CSF1R: variants seen among roughly 807,000 people sequenced by gnomAD.
The protein encoded by CSF1R is macrophage colony-stimulating factor 1 receptor.
A neutral mutation model predicts 110.0 loss-of-function variants in CSF1R; 40 were observed. The ratio of observed to expected loss-of-function variants is 0.36; its 90% CI spans 0.28 to 0.47. The LOEUF (loss-of-function observed/expected upper bound fraction) is 0.47, where lower values mean the gene tolerates loss of function less well. Ranked by LOEUF, CSF1R falls within the 20% of genes least tolerant of loss-of-function variation. The pLI, the probability that CSF1R is intolerant of heterozygous loss-of-function variation, is 0.99. For synonymous variants in CSF1R, 523 were observed against 503.4 expected (o/e 1.04, Z -0.52); for missense variants, 1,052 against 1,253.0 (o/e 0.84, Z 2.42).
rs141577445 is a variant in CSF1R at position 150,068,326 on chromosome 5, G to A, written c.1515C>T (p.Ala505=). 349 of 1,612,058 alleles carry A rather than the reference G, an allele frequency of 2.2e-4. No homozygotes were observed. The highest frequency in any genetic ancestry group is 4.2e-4 in the South Asian group (38 of 90,990). The change falls in exon 10 of 21, where the codon GCC becomes GCT. Residue 505 remains alanine, a synonymous_variant. Coordinates refer to ENST00000675795, the MANE Select transcript of CSF1R (RefSeq NM_001288705.3). ...SWAFIPISAG[A]HTHPPDEFLF... ...GGAACTCATCCGGGGGATGCGTGTGGGCTCCTGGAAGGCATGAAGCAAAGC... is the reference window on the plus strand; with the variant it reads ...GGAACTCATCCGGGGGATGCGTGTGAGCTCCTGGAAGGCATGAAGCAAAGC...
At chr5:150,081,051 G>C (rs748735413) in intron 1 of CSF1R, 27 bp from the exon 2 acceptor site, 1 of 1,612,906 alleles carries the variant, frequency 6.2e-7, no homozygotes, top group Non-Finnish European at 8.5e-7. Context: ...ACAGCAGACA[G>C]AAGTGAGGTC....
At chr5:150,072,635 A>AC (rs889801220) in intron 6 of CSF1R, among the ~76,000 whole-genome samples, 4 of 152,172 alleles carry the variant, frequency 2.6e-5, no homozygotes, top group South Asian at 4.1e-4. Flanking sequence ...AGAAAGCAAG[A>AC]CCCCAAGAAC....
intron 10 of CSF1R, 24 bp downstream of exon 10, chr5:150,068,191 C>CA (rs1010227878): frequency 1.9e-6 from 3 of 1,586,830 alleles, no homozygotes; most frequent in Admixed American, 3.4e-5. Flanking sequence ...AGGCACCTGG[C>CA]AGCCCCACTC....
In CSF1R at chr5:150,061,608, C is replaced by G. The variant is rs200522818; in HGVS notation, c.1754-13G>C. On this transcript the variant is annotated splice_polypyrimidine_tract_variant and intron_variant, in intron 11 of 20. Coordinates refer to ENST00000675795, the MANE Select transcript of CSF1R (RefSeq NM_001288705.3). ...CCGAGGGTCTTACCTGCCACGCACA[C>G]AGGTCCCTTAAGTCCCTGGGCACCA... is the stretch of plus-strand genomic sequence containing the variant. 2.5e-6 allele frequency: 4 copies of G among 1,614,034 alleles called. No individual in the cohort carries two copies. The African/African-American group carries it at 4.0e-5, about 16-fold the overall frequency.
chr5:150,058,430 A>G (rs1442177050), intron 14 of CSF1R, among the ~76,000 whole-genome samples: 1 of 152,204 alleles, frequency 6.6e-6, no homozygotes, highest in Non-Finnish European at 1.5e-5. Flanking sequence ...TAGTGTTCCC[A>G]GAAGGAGAAA....
chr5:150,085,276 G>GAAAAAAAAAAAAAAA (rs1758785858), intron 1 of CSF1R, among the ~76,000 whole-genome samples: 1 of 42,796 alleles, frequency 2.3e-5, no homozygotes, highest in Non-Finnish European at 4.2e-5. Context: ...CTCTGTCTCA[G>GAAAAAAAAAAAAAAA]GAAAAAAAAA....
chr5:150,064,536 A>C (rs373548924), intron 10 of CSF1R, among the ~76,000 whole-genome samples: 8 of 152,328 alleles, frequency 5.3e-5, no homozygotes, highest in African/African-American at 1.9e-4. Flanking sequence ...CTGAGGATCC[A>C]AATCCTGCCC....
chr5:150,077,965 G>A (rs748983617), intron 4 of CSF1R, 147 bp downstream of exon 4: 80 of 931,324 alleles, frequency 8.6e-5, no homozygotes, highest in East Asian at 1.4e-4. Context: ...GTGAGATCTC[G>A]GGTGAGTCTG....
At chr5:150,074,075 C>T (rs183188154) in intron 5 of CSF1R, among the ~76,000 whole-genome samples, 1 of 152,276 alleles carries the variant, frequency 6.6e-6, no homozygotes, top group East Asian at 1.9e-4. Flanking sequence ...ACTGGTGTTG[C>T]TGGATCAGAT....
At chr5:150,073,691 C>T (rs1002024418) in intron 5 of CSF1R, among the ~76,000 whole-genome samples, 198 bp from the exon 6 acceptor site, 1 of 152,220 alleles carries the variant, frequency 6.6e-6, no homozygotes, top group African/African-American at 2.4e-5. Context: ...ACTTTTCTCA[C>T]TGAAGCCCTA....
rs373987352 is a variant in CSF1R at position 150,079,995 on chromosome 5, G to A, written c.592+57C>T. ...GTCCCCAGTCACCACCCATGTGGCC[G>A]CCGGCTCTCTGTCCCCACTCTTCAG... On this transcript the variant is annotated intron_variant, in intron 3 of 20. Transcript: ENST00000675795. The A allele has an allele frequency of 1.9e-3, 3,051 of 1,572,498 alleles. 23 individuals carry two copies. The highest frequency in any genetic ancestry group is 0.014 in the South Asian group (1,167 of 84,680).
chr5:150,104,419 C>G (rs1467032846), intron 1 of CSF1R, among the ~76,000 whole-genome samples: 1 of 152,254 alleles, frequency 6.6e-6, no homozygotes, highest in Non-Finnish European at 1.5e-5. Flanking sequence ...CTCGCTGCCT[C>G]CTGGAAGCCT....
intron 14 of CSF1R, 80 bp downstream of exon 14, chr5:150,059,620 A>C: frequency 6.4e-7 from 1 of 1,551,132 alleles, no homozygotes. Context: ...TGAGCCATCC[A>C]ACCCTGAGCT....
In CSF1R at chr5:150,064,446, C is replaced by A. The variant is rs117353976; in HGVS notation, c.1627-2597G>T. Among the ~76,000 whole-genome samples the A allele has an allele frequency of 1.2e-4, 19 of 152,294 alleles. No homozygotes were observed. The East Asian group carries it at 3.7e-3, about 29-fold the overall frequency. ...GGCTCTGATTCGGAAGGGCGGACTGCAGGTGAACTTCAGAGCCTCTGCGTT... is the reference window on the plus strand; with the variant it reads ...GGCTCTGATTCGGAAGGGCGGACTGAAGGTGAACTTCAGAGCCTCTGCGTT... On this transcript the variant is annotated intron_variant, in intron 10 of 20. Coordinates refer to ENST00000675795, the MANE Select transcript of CSF1R (RefSeq NM_001288705.3).
intron 13 of CSF1R, 63 bp from the exon 14 acceptor site, chr5:150,059,925 A>G: frequency 6.4e-7 from 1 of 1,554,870 alleles, no homozygotes; most frequent in Non-Finnish European, 8.7e-7. Context: ...GAACAGGAGC[A>G]TGAGACTGGG....
chr5:150,091,608 G>A (rs1479718382), intron 1 of CSF1R, among the ~76,000 whole-genome samples: 2 of 152,176 alleles, frequency 1.3e-5, no homozygotes, highest in African/African-American at 2.4e-5. Flanking sequence ...GATGTGGCAA[G>A]GGAGAATGGG....
At position 150,086,348 on chromosome 5, in the gene CSF1R, C is replaced by T. The variant is rs757961970; in HGVS notation, c.49+31G>A. 3.8e-6 allele frequency: 6 copies of T among 1,584,426 alleles called. No homozygotes were observed. The Admixed American group carries it at 7.0e-5, about 18-fold the overall frequency. ...AGGGGTCTTCTCCATCACACCCCAA[C>T]AAAGTCCCCCACCCCCCGTTCTGCT... On this transcript the variant is annotated intron_variant, in intron 1 of 20. Coordinates refer to ENST00000675795, the MANE Select transcript of CSF1R (RefSeq NM_001288705.3).
At chr5:150,078,856 T>C (rs4705107) in intron 3 of CSF1R, among the ~76,000 whole-genome samples, 73,413 of 151,988 alleles carry the variant, frequency 0.48, 18,797 homozygotes, top group Non-Finnish European at 0.55. Flanking sequence ...TCAGCAAGGC[T>C]TCTGTGACCA....
rs114982750 is a variant in CSF1R at position 150,092,617 on chromosome 5, C to A, written c.-180-6010G>T. Reference sequence around the variant, plus strand: ...GAATCACATCCAACATGATGGCAGGCAAAAGAGTATATGCAGGGGAACTCC... The same window carrying A: ...GAATCACATCCAACATGATGGCAGGAAAAAGAGTATATGCAGGGGAACTCC... On this transcript the variant is annotated intron_variant, in intron 1 of 21. Coordinates refer to the CSF1R transcript ENST00000286301. 1.6e-3 allele frequency among the ~76,000 whole-genome samples: 250 copies of A among 152,230 alleles called. 1 individual carries two copies. Among genetic ancestry groups the A allele is most frequent in the African/African-American group, 5.8e-3 (240 of 41,520 alleles).
Sources: gnomAD v4.1 joint callset for allele counts (sites outside exome capture counted in the v4.1 genomes callset) on GRCh38, gnomAD v4.1.1 for gene constraint, MANE v1.5 for transcripts, NCBI Gene and HGNC (gene_info 2026-07-23, HGNC 2026-07-21) for gene names.